Variants in ADGRL2 observed in about 807,000 individuals in gnomAD.
ADGRL2 encodes calcium-independent alpha-latrotoxin receptor 2.
ADGRL2 carries 44 observed loss-of-function variants against 157.4 expected under a neutral mutation model. The ratio of observed to expected loss-of-function variants is 0.28; its 90% CI spans 0.22 to 0.36. The LOEUF (loss-of-function observed/expected upper bound fraction) is 0.36. Ranked by LOEUF, ADGRL2 falls within the 10% of genes least tolerant of loss-of-function variation. The pLI is 1.00. For synonymous variants in ADGRL2, 585 were observed against 624.7 expected, an observed-to-expected ratio of 0.94 and a Z score of 0.95; for missense variants, 1,510 against 1,768.9, an observed-to-expected ratio of 0.85 and a Z score of 2.63.
chr1:81,599,304 G>A (rs2081293387), intron 3 of ADGRL2, among the ~76,000 whole-genome samples: 1 of 152,166 alleles, frequency 6.6e-6, no homozygotes, highest in Non-Finnish European at 1.5e-5. Context: ...TGACTGTGGT[G>A]AATAAGGGCC....
At chr1:81,352,376 C>T (rs1662961322) in intron 1 of ADGRL2, among the ~76,000 whole-genome samples, 1 of 152,176 alleles carries the variant, frequency 6.6e-6, no homozygotes, top group South Asian at 2.1e-4. Context: ...CAAAATACCC[C>T]CACCTGATGT....
At chr1:81,607,945 G>A (rs906665446) in intron 3 of ADGRL2, among the ~76,000 whole-genome samples, 5 of 152,098 alleles carry the variant, frequency 3.3e-5, no homozygotes, top group Admixed American at 2.0e-4. Context: ...TATTCTCAAG[G>A]GCATTCTCAA....
At chr1:81,935,514 C>T (rs1206970458) in intron 3 of ADGRL2, among the ~76,000 whole-genome samples, 1 of 151,912 alleles carries the variant, frequency 6.6e-6, no homozygotes, top group Non-Finnish European at 1.5e-5. Context: ...TCCTACCCAT[C>T]TTTAACATGA....
chr1:81,397,404 C>A (rs1362802767), intron 1 of ADGRL2, among the ~76,000 whole-genome samples: 1 of 146,242 alleles, frequency 6.8e-6, no homozygotes, highest in Non-Finnish European at 1.5e-5. Flanking sequence ...CACTGCAACT[C>A]CGCCTCCCGG....
chr1:81,529,749 C>A (rs1415417735), intron 2 of ADGRL2, among the ~76,000 whole-genome samples: 1 of 152,172 alleles, frequency 6.6e-6, no homozygotes, highest in Non-Finnish European at 1.5e-5. Flanking sequence ...CTGACAGTGG[C>A]AAATTAACTT....
intron 3 of ADGRL2, among the ~76,000 whole-genome samples, chr1:81,688,415 C>T (rs762723985): frequency 6.6e-6 from 1 of 152,014 alleles, no homozygotes; most frequent in Non-Finnish European, 1.5e-5. Flanking sequence ...ATTCAAAGAC[C>T]TTGTCTTCGA....
chr1:81,340,177 A>G (rs1252155012), intron 1 of ADGRL2, among the ~76,000 whole-genome samples: 1 of 152,226 alleles, frequency 6.6e-6, no homozygotes, highest in African/African-American at 2.4e-5. Flanking sequence ...ACATTCTGTC[A>G]TTTTATAATG....
intron 3 of ADGRL2, among the ~76,000 whole-genome samples, chr1:81,932,372 T>C (rs2148794349): frequency 6.6e-6 from 1 of 152,268 alleles, no homozygotes; most frequent in South Asian, 2.1e-4. Flanking sequence ...CAACTAAAAC[T>C]CTTGATTTCT....
chr1:81,392,955 T>A lies in ADGRL2; in HGVS notation c.-301-52081T>A, dbSNP rs116125351. Among the ~76,000 whole-genome samples the A allele has an allele frequency of 7.0e-3, 1,072 of 152,214 alleles. 17 individuals are homozygous for A. The highest frequency in any genetic ancestry group is 0.055 in the South Asian group (264 of 4,822). On this transcript the variant is annotated intron_variant, in intron 1 of 24. Coordinates refer to the ADGRL2 transcript ENST00000370721. ...TTTTGTGCCCCATCCAACCAAACCA[T>A]ACTTCCATAAAATTCCTTTCCTCTT... is the stretch of plus-strand genomic sequence containing the variant.
intron 1 of ADGRL2, among the ~76,000 whole-genome samples, chr1:81,809,071 C>T (rs764530633): frequency 1.3e-5 from 2 of 151,982 alleles, no homozygotes; most frequent in Non-Finnish European, 2.9e-5. Context: ...TAATCACGAC[C>T]TGACAAGAAA....
intron 1 of ADGRL2, among the ~76,000 whole-genome samples, chr1:81,365,691 G>C (rs2076052904): frequency 6.6e-6 from 1 of 152,172 alleles, no homozygotes; most frequent in African/African-American, 2.4e-5. Flanking sequence ...CCACAAGCAT[G>C]ATTGGGATGG....
At chr1:81,507,202 T>C (rs2078992516) in intron 2 of ADGRL2, among the ~76,000 whole-genome samples, 1 of 152,044 alleles carries the variant, frequency 6.6e-6, no homozygotes, top group Non-Finnish European at 1.5e-5. Context: ...AGTTGATCAA[T>C]TGCTGGAGGA....
chr1:81,986,149 G>C (rs372207768), intron 21 of ADGRL2, among the ~76,000 whole-genome samples: 9 of 152,164 alleles, frequency 5.9e-5, no homozygotes, highest in Non-Finnish European at 2.9e-5. Flanking sequence ...TAATCAGTAA[G>C]TATTTAAAAG....
intron 1 of ADGRL2, among the ~76,000 whole-genome samples, chr1:81,333,687 A>G (rs1017001592): frequency 2.0e-5 from 3 of 150,190 alleles, no homozygotes; most frequent in African/African-American, 7.4e-5. Flanking sequence ...AAGTGCTGGG[A>G]TTACAGGCAT....
chr1:81,420,498 T>C (rs1272661681), intron 1 of ADGRL2, among the ~76,000 whole-genome samples: 1 of 152,222 alleles, frequency 6.6e-6, no homozygotes, highest in African/African-American at 2.4e-5. Flanking sequence ...ACTTCTTCCC[T>C]TTGAATTGAT....
intron 1 of ADGRL2, among the ~76,000 whole-genome samples, chr1:81,356,516 A>C (rs184545915): frequency 2.0e-5 from 3 of 152,274 alleles, no homozygotes; most frequent in Admixed American, 6.5e-5. Context: ...AGAAGTGAGA[A>C]GGTCTCATCC....
At chr1:81,639,260 G>A (rs529852704) in intron 3 of ADGRL2, among the ~76,000 whole-genome samples, 2 of 152,082 alleles carry the variant, frequency 1.3e-5, no homozygotes, top group Admixed American at 6.6e-5. Context: ...TAGTAGAGAC[G>A]GTGTTTCACC....
chr1:81,500,649 C>G (rs1255750121), intron 2 of ADGRL2, among the ~76,000 whole-genome samples: 2 of 152,028 alleles, frequency 1.3e-5, no homozygotes, highest in South Asian at 2.1e-4. Flanking sequence ...GGACTGAGCA[C>G]CAGGGCAAGT....
At chr1:81,805,764 G>A (rs1356311691) in intron 1 of ADGRL2, among the ~76,000 whole-genome samples, 1 of 148,980 alleles carries the variant, frequency 6.7e-6, no homozygotes, top group Non-Finnish European at 1.5e-5. Context: ...TGATGTAATT[G>A]CTATTATTGC....
Sources: gnomAD v4.1 joint callset for allele counts (sites outside exome capture counted in the v4.1 genomes callset) on GRCh38, gnomAD v4.1.1 for gene constraint, MANE v1.5 for transcripts, NCBI Gene and HGNC (gene_info 2026-07-23, HGNC 2026-07-21) for gene names.